FSTL4: variants seen among roughly 807,000 people sequenced by gnomAD.
The protein encoded by FSTL4 is follistatin-related protein 4.
A neutral mutation model predicts 78.2 loss-of-function variants in FSTL4; 28 were observed. The ratio of observed to expected loss-of-function variants is 0.36; its 90% CI spans 0.27 to 0.49. The LOEUF is 0.49. FSTL4 is among the 20% of genes least tolerant of loss of function. The pLI, the probability that FSTL4 is intolerant of heterozygous loss-of-function variation, is 0.98. For missense variants in FSTL4, 922 were observed against 1,084.9 expected (o/e 0.85, Z 2.11); for synonymous variants, 422 against 440.5 (o/e 0.96, Z 0.53).
the FSTL4 span, among the ~76,000 whole-genome samples, chr5:133,792,662 A>G: frequency 6.6e-6 from 1 of 152,220 alleles, no homozygotes; most frequent in Non-Finnish European, 1.5e-5. Flanking sequence ...GGCGAGGCCT[A>G]TGTTGTAATC....
chr5:133,831,458 G>A, the FSTL4 span, among the ~76,000 whole-genome samples: 1 of 152,162 alleles, frequency 6.6e-6, no homozygotes, highest in African/African-American at 2.4e-5. Flanking sequence ...GAGGCAGTGA[G>A]TGGTGGAAAA....
chr5:133,559,093 TA>T (rs1225298504), intron 3 of FSTL4, among the ~76,000 whole-genome samples: 2 of 152,188 alleles, frequency 1.3e-5, no homozygotes, highest in Non-Finnish European at 2.9e-5. Context: ...ATGAAAAGAA[TA>T]GAATTAGAAC....
At chr5:133,551,411 C>T (rs564996274) in intron 3 of FSTL4, among the ~76,000 whole-genome samples, 21 of 152,256 alleles carry the variant, frequency 1.4e-4, no homozygotes, top group African/African-American at 4.1e-4. Context: ...AACAATACTG[C>T]GACTCAGAAA....
intron 6 of FSTL4, among the ~76,000 whole-genome samples, chr5:133,309,829 G>T (rs930139764): frequency 6.6e-6 from 1 of 152,218 alleles, no homozygotes; most frequent in African/African-American, 2.4e-5. Context: ...TTATACCCAA[G>T]GACGCCAGCA....
chr5:133,278,720 G>A (rs1292931767), intron 6 of FSTL4, among the ~76,000 whole-genome samples: 2 of 152,182 alleles, frequency 1.3e-5, no homozygotes, highest in Non-Finnish European at 2.9e-5. Context: ...TTCCTCCCTA[G>A]AGAGGGTTCC....
intron 4 of FSTL4, among the ~76,000 whole-genome samples, chr5:133,344,739 T>C (rs189894126): frequency 2.6e-5 from 4 of 152,360 alleles, no homozygotes; most frequent in Admixed American, 1.3e-4. Flanking sequence ...TTTTGTTCAA[T>C]GGAATTAACT....
At chr5:133,694,099 G>A in the FSTL4 span, among the ~76,000 whole-genome samples, 2 of 152,204 alleles carry the variant, frequency 1.3e-5, no homozygotes, top group Non-Finnish European at 2.9e-5. Context: ...ATGTGGAGGT[G>A]CAAAGACTTC....
chr5:133,629,118 T>C, the FSTL4 span, among the ~76,000 whole-genome samples: 8 of 151,000 alleles, frequency 5.3e-5, no homozygotes, highest in African/African-American at 1.7e-4. Flanking sequence ...TTTTCATAAA[T>C]AGTTCTTATT....
chr5:133,373,429 A>T (rs1161792608), intron 4 of FSTL4, among the ~76,000 whole-genome samples: 3 of 152,236 alleles, frequency 2.0e-5, no homozygotes, highest in Non-Finnish European at 4.4e-5. Flanking sequence ...AAGAATGTGA[A>T]ATCCATGAGT....
the FSTL4 span, among the ~76,000 whole-genome samples, chr5:133,694,792 C>T: frequency 3.3e-5 from 5 of 152,186 alleles, no homozygotes; most frequent in African/African-American, 1.2e-4. Flanking sequence ...TAGCAAGGGT[C>T]CTCTTCCTGG....
chr5:133,307,639 C>G (rs903625247), intron 6 of FSTL4, among the ~76,000 whole-genome samples: 1 of 152,124 alleles, frequency 6.6e-6, no homozygotes, highest in South Asian at 2.1e-4. Context: ...GACTGTGAAC[C>G]CTGTCCTCCA....
At chr5:133,272,653 C>T (rs1012610931) in intron 6 of FSTL4, among the ~76,000 whole-genome samples, 4 of 152,152 alleles carry the variant, frequency 2.6e-5, no homozygotes, top group African/African-American at 9.7e-5. Flanking sequence ...ATTCCATATG[C>T]GTCATTAAGT....
the FSTL4 span, among the ~76,000 whole-genome samples, chr5:133,633,375 A>G: frequency 1.3e-5 from 2 of 152,116 alleles, no homozygotes; most frequent in African/African-American, 4.8e-5. Flanking sequence ...CTCACTAATT[A>G]TTTCCTCTGT....
intron 3 of FSTL4, among the ~76,000 whole-genome samples, chr5:133,441,883 G>C (rs1757165573): frequency 6.6e-6 from 1 of 152,222 alleles, no homozygotes; most frequent in Non-Finnish European, 1.5e-5. Flanking sequence ...CCTGGGACAA[G>C]TGGATGTTCA....
chr5:133,710,974 G>T, the FSTL4 span, among the ~76,000 whole-genome samples: 1 of 152,188 alleles, frequency 6.6e-6, no homozygotes, highest in South Asian at 2.1e-4. Context: ...CAACTGAACA[G>T]GGGAAACCTC....
At chr5:133,444,892 A>T (rs1757229498) in intron 3 of FSTL4, among the ~76,000 whole-genome samples, 1 of 152,110 alleles carries the variant, frequency 6.6e-6, no homozygotes, top group South Asian at 2.1e-4. Context: ...CCAAGGGAGG[A>T]GGGCGAGATG....
At chr5:133,398,963 A>T (rs1580682164) in intron 4 of FSTL4, among the ~76,000 whole-genome samples, 1 of 152,180 alleles carries the variant, frequency 6.6e-6, no homozygotes, top group South Asian at 2.1e-4. Context: ...AGCAGAACTG[A>T]GCCCTGATCT....
At chr5:133,754,366 T>C in the FSTL4 span, among the ~76,000 whole-genome samples, 1 of 152,142 alleles carries the variant, frequency 6.6e-6, no homozygotes, top group African/African-American at 2.4e-5. Flanking sequence ...GATATATATA[T>C]ATAAAAAGAT....
the FSTL4 span, among the ~76,000 whole-genome samples, chr5:133,670,292 A>G: frequency 2.6e-5 from 4 of 152,242 alleles, no homozygotes; most frequent in Non-Finnish European, 5.9e-5. Context: ...TCAAATTGCA[A>G]AAGGACCTCT....
Sources: allele counts gnomAD v4.1 joint callset (sites outside exome capture counted in the v4.1 genomes callset), GRCh38; gene constraint gnomAD v4.1.1; transcripts MANE v1.5; gene names NCBI Gene and HGNC (gene_info 2026-07-23, HGNC 2026-07-21).